NMNAT1: variants seen among roughly 807,000 people sequenced by gnomAD.
The protein encoded by NMNAT1 is nicotinamide/nicotinic acid mononucleotide adenylyltransferase 1.
A neutral mutation model predicts 16.7 loss-of-function variants in NMNAT1; 11 were observed. That is an observed-to-expected ratio of 0.66 (90% CI 0.41 to 1.09). The LOEUF is 1.09. Ranked by LOEUF, NMNAT1 falls within the 50% of genes least tolerant of loss-of-function variation. The pLI, the probability that NMNAT1 is intolerant of heterozygous loss-of-function variation, is 0.00. For synonymous variants in NMNAT1, 110 were observed against 119.8 expected (o/e 0.92, Z 0.53); for missense variants, 280 against 332.3 (o/e 0.84, Z 1.22).
chr1:9,953,076 G>A (rs1162762365), intron 1 of NMNAT1, among the ~76,000 whole-genome samples: 1 of 151,332 alleles, frequency 6.6e-6, no homozygotes, highest in Non-Finnish European at 1.5e-5. Context: ...TGCCTCCTAG[G>A]TTCAAGCAAT....
intron 1 of NMNAT1, among the ~76,000 whole-genome samples, chr1:9,962,679 T>TG (rs1157760266): frequency 1.0e-4 from 8 of 77,640 alleles, no homozygotes; most frequent in Admixed American, 8.6e-4. Flanking sequence ...AAATAAGGGT[T>TG]TTTTTTTTTT....
chr1:9,994,211 A>G, the NMNAT1 span, among the ~76,000 whole-genome samples: 2 of 145,070 alleles, frequency 1.4e-5, no homozygotes, highest in African/African-American at 5.3e-5. Context: ...CCCGGGTTCA[A>G]GTGATTCTCC....
intron 3 of NMNAT1, among the ~76,000 whole-genome samples, chr1:9,977,080 T>C (rs1641832621): frequency 6.6e-6 from 1 of 151,930 alleles, no homozygotes; most frequent in Non-Finnish European, 1.5e-5. Context: ...CTAATTTTTG[T>C]ATTTTTAGTA....
In NMNAT1 at chr1:9,982,524, C is replaced by G; in HGVS notation, c.663C>G (p.Ile221Met). The change falls in exon 5 of 5, where the codon ATC (isoleucine) becomes ATG (methionine). Residue 221 changes from isoleucine (I) to methionine (M), a missense_variant. Transcript: ENST00000377205. ...HVVNEWIANDISSTKIRRALR... is the reference protein window; with the variant it reads ...HVVNEWIANDMSSTKIRRALR... ...TGAATGAATGGATCGCTAATGACAT[C>G]TCATCCACAAAAATCCGGAGAGCCC... The G allele has an allele frequency of 6.2e-7, 1 of 1,614,126 alleles. No homozygotes were observed. The highest frequency in any genetic ancestry group is 8.5e-7 in the Non-Finnish European group (1 of 1,180,044).
chr1:9,950,346 C>T (rs1458770854), intron 1 of NMNAT1, among the ~76,000 whole-genome samples: 3 of 152,208 alleles, frequency 2.0e-5, no homozygotes, highest in Non-Finnish European at 4.4e-5. Context: ...CCGCCTTGGC[C>T]TCCCAAAGTG....
chr1:9,954,972 C>T (rs1379266467), intron 1 of NMNAT1, among the ~76,000 whole-genome samples: 7 of 151,830 alleles, frequency 4.6e-5, no homozygotes, highest in Non-Finnish European at 1.0e-4. Flanking sequence ...AATTTGGTTC[C>T]GTACTCAAAT....
chr1:9,943,206 G>T (rs1305334277), upstream of NMNAT1: 2 of 170,358 alleles, frequency 1.2e-5, no homozygotes, highest in Non-Finnish European at 2.6e-5. Context: ...GCCACCAGAG[G>T]TAGCCGTAAA....
chr1:9,986,646 T>A (rs1642049348), downstream of NMNAT1, among the ~76,000 whole-genome samples: 1 of 152,104 alleles, frequency 6.6e-6, no homozygotes, highest in African/African-American at 2.4e-5. Flanking sequence ...AATTTGGGAA[T>A]CAGAGGCAGC....
intron 1 of NMNAT1, among the ~76,000 whole-genome samples, chr1:9,946,894 C>G (rs1258577439): frequency 6.6e-6 from 1 of 152,150 alleles, no homozygotes; most frequent in East Asian, 1.9e-4. Context: ...TGGCCAAAAC[C>G]TTGATCTTGG....
intron 3 of NMNAT1, among the ~76,000 whole-genome samples, chr1:9,976,060 G>A (rs1570709532): frequency 6.6e-6 from 1 of 152,196 alleles, no homozygotes; most frequent in South Asian, 2.1e-4. Flanking sequence ...GCTGAGGCGG[G>A]TGGATCAGCT....
At chr1:9,946,105 A>G (rs1640974951) in intron 1 of NMNAT1, among the ~76,000 whole-genome samples, 2 of 152,164 alleles carry the variant, frequency 1.3e-5, no homozygotes, top group Admixed American at 1.3e-4. Context: ...GCATTTGTGT[A>G]GTTTTAGCGT....
In NMNAT1 at chr1:9,982,807, T is replaced by G; in HGVS notation, c.*106T>G. On this transcript the variant is annotated 3_prime_UTR_variant, in exon 5 of 5. Coordinates refer to ENST00000377205, the MANE Select transcript of NMNAT1 (RefSeq NM_022787.4). The stretch of plus-strand genomic sequence containing the variant: ...GTGATCTGTTGCCTAAACTAAAGCT[T>G]AAAAGTTTAGTAAAAATCGTCTGGG... 7.3e-6 allele frequency: 9 copies of G among 1,240,158 alleles called. No individual in the cohort carries two copies. Among genetic ancestry groups the G allele is most frequent in the Non-Finnish European group, 1.0e-5 (9 of 902,606 alleles). The allele number at this position is 1,240,158 out of a possible 1,614,324, so 76.8% of individuals were successfully genotyped here. A position where few individuals can be genotyped will look rare whatever the true frequency, so the allele number is the denominator to read the frequency against.
chr1:9,968,080 G>GTTTTTTTGTT (rs1553126648), intron 1 of NMNAT1, among the ~76,000 whole-genome samples: 2 of 117,774 alleles, frequency 1.7e-5, no homozygotes, highest in African/African-American at 5.9e-5. Flanking sequence ...TTTTTTTTTT[G>GTTTTTTTGTT]TTTTTTTTTG....
At chr1:9,985,620 G>A (rs1222541215), downstream of NMNAT1, 1 of 152,218 alleles carries the variant, frequency 6.6e-6, no homozygotes, top group Non-Finnish European at 1.5e-5. Context: ...GGGAGAAGGT[G>A]ATATGGGCCA....
At chr1:9,969,740 G>C (rs1641646089) in intron 1 of NMNAT1, among the ~76,000 whole-genome samples, 1 of 152,094 alleles carries the variant, frequency 6.6e-6, no homozygotes, top group Non-Finnish European at 1.5e-5. Flanking sequence ...GAGAGAGGGA[G>C]ACTCTGTCTC....
downstream of NMNAT1, among the ~76,000 whole-genome samples, chr1:9,988,563 C>T (rs1013962745): frequency 4.0e-5 from 6 of 151,888 alleles, no homozygotes; most frequent in South Asian, 4.2e-4. Context: ...ATTAGCCAGG[C>T]ATGGTGGCAG....
rs1194273363 is a variant in NMNAT1, at chr1:9,983,481, C to T, written c.*780C>T. On this transcript the variant is annotated 3_prime_UTR_variant, in exon 5 of 5. Coordinates refer to ENST00000377205, the MANE Select transcript of NMNAT1 (RefSeq NM_022787.4). ...ACCAGCCTGGCCAATATGGTGAAAC[C>T]CCATCTCTACTAAGAATACAAAAAA... 6.6e-6 allele frequency: 1 copy of T among 151,496 alleles called. No individual in the cohort carries two copies. Among genetic ancestry groups the T allele is most frequent in the Non-Finnish European group, 1.5e-5 (1 of 68,008 alleles). 9.4% of individuals were successfully genotyped at this position (151,496 alleles called of 1,614,324 possible).
rs1280012965 is a variant in NMNAT1, at chr1:9,985,268, A to G, written c.*2567A>G. 6.6e-6 allele frequency: 1 copy of G among 152,164 alleles called. No homozygotes were observed. Among genetic ancestry groups the G allele is most frequent in the African/African-American group, 2.4e-5 (1 of 41,448 alleles). 9.4% of individuals were successfully genotyped at this position (152,164 alleles called of 1,614,324 possible). ...TTCATAATGTCAGCACTTCCTGAACACTTACTGTGTGCTTGGCTTGTGCTC... is the reference window on the plus strand; with the variant it reads ...TTCATAATGTCAGCACTTCCTGAACGCTTACTGTGTGCTTGGCTTGTGCTC... On this transcript the variant is annotated 3_prime_UTR_variant, in exon 5 of 5. Coordinates refer to ENST00000377205, the MANE Select transcript of NMNAT1 (RefSeq NM_022787.4).
intron 3 of NMNAT1, among the ~76,000 whole-genome samples, chr1:9,980,372 A>T (rs189434355): frequency 1.2e-3 from 181 of 151,842 alleles, no homozygotes; most frequent in Admixed American, 2.4e-3. Context: ...TAATCCCAGC[A>T]CTTTGGGAGG....
Sources: gnomAD v4.1 joint callset for allele counts (sites outside exome capture counted in the v4.1 genomes callset) on GRCh38, gnomAD v4.1.1 for gene constraint, MANE v1.5 for transcripts, NCBI Gene and HGNC (gene_info 2026-07-23, HGNC 2026-07-21) for gene names.